NKAIN2: variants seen among roughly 807,000 people sequenced by gnomAD.
NKAIN2 encodes sodium/potassium-transporting ATPase subunit beta-1-interacting protein 2.
NKAIN2 carries 14 observed loss-of-function variants against 32.6 expected under a neutral mutation model. The ratio of observed to expected loss-of-function variants is 0.43; its 90% CI spans 0.28 to 0.67. NKAIN2 has a LOEUF of 0.67. Among genes scored for constraint, NKAIN2 ranks in the 30% least tolerant of loss-of-function variants. The pLI is 0.17. For synonymous variants in NKAIN2, 80 were observed against 87.2 expected (o/e 0.92, Z 0.46); for missense variants, 198 against 258.3 (o/e 0.77, Z 1.60).
chr6:124,639,634 G>GA lies in NKAIN2; in HGVS notation c.274-18542dup, dbSNP rs1025831708. Reference sequence around the variant, plus strand: ...GGGCAACAGAGTGAGACTCCGTAAAGAAAAAAAAAAGTATATATAATATAT... The same window carrying GA: ...GGGCAACAGAGTGAGACTCCGTAAAGAAAAAAAAAAAGTATATATAATATAT... On this transcript the variant is annotated intron_variant, in intron 3 of 6. Transcript: ENST00000368417. 2.0e-4 allele frequency among the ~76,000 whole-genome samples: 29 copies of GA among 146,470 alleles called. 1 individual carries two copies. Among genetic ancestry groups the GA allele is most frequent in the African/African-American group, 2.5e-4 (10 of 39,962 alleles).
chr6:124,018,383 C>A (rs772186199), intron 1 of NKAIN2, among the ~76,000 whole-genome samples: 1 of 152,218 alleles, frequency 6.6e-6, no homozygotes, highest in South Asian at 2.1e-4. Flanking sequence ...TAACATTTGA[C>A]TTCTAGTTAC....
At chr6:124,472,506 A>G (rs1440117085) in intron 3 of NKAIN2, among the ~76,000 whole-genome samples, 2 of 152,070 alleles carry the variant, frequency 1.3e-5, no homozygotes, top group Non-Finnish European at 2.9e-5. Flanking sequence ...CACACATAGA[A>G]CAAGAGCATC....
intron 1 of NKAIN2, among the ~76,000 whole-genome samples, chr6:123,926,523 G>T (rs1449651366): frequency 2.0e-5 from 3 of 152,116 alleles, no homozygotes; most frequent in Admixed American, 1.3e-4. Flanking sequence ...GATGCCCGCT[G>T]CAGTGTTCCC....
In NKAIN2 at chr6:123,804,117, T is replaced by G; in HGVS notation, c.-84T>G. Reference sequence around the variant, plus strand: ...GAGCCCTCGGCAGGTTTGCGTGTCCTTCCCCGCGATCTGATTGGATAAAGT... The same window carrying G: ...GAGCCCTCGGCAGGTTTGCGTGTCCGTCCCCGCGATCTGATTGGATAAAGT... On this transcript the variant is annotated 5_prime_UTR_variant, in exon 1 of 7. Coordinates refer to ENST00000368417, the MANE Select transcript of NKAIN2 (RefSeq NM_001040214.3). 7.6e-7 allele frequency: 1 copy of G among 1,309,366 alleles called. No homozygotes were observed. Among genetic ancestry groups the G allele is most frequent in the Non-Finnish European group, 1.1e-6 (1 of 902,978 alleles). 81.1% of individuals were successfully genotyped at this position (1,309,366 alleles called of 1,614,324 possible).
chr6:124,810,563 G>GCATGTCACATGTATA, intron 5 of NKAIN2, among the ~76,000 whole-genome samples: 1 of 152,094 alleles, frequency 6.6e-6, no homozygotes, highest in East Asian at 1.9e-4. Context: ...CAGCACACCA[G>GCATGTCACATGTATA]CATGTCACAT....
intron 1 of NKAIN2, among the ~76,000 whole-genome samples, chr6:124,030,006 C>G (rs1562318149): frequency 6.6e-6 from 1 of 151,982 alleles, no homozygotes; most frequent in African/African-American, 2.4e-5. Flanking sequence ...CATTTAAGAC[C>G]AGCCTGGCCA....
intron 1 of NKAIN2, among the ~76,000 whole-genome samples, chr6:124,034,048 A>C (rs1398889323): frequency 6.6e-6 from 1 of 152,122 alleles, no homozygotes; most frequent in African/African-American, 2.4e-5. Context: ...CCTGTATCAT[A>C]TAGTGATGAA....
intron 1 of NKAIN2, among the ~76,000 whole-genome samples, chr6:123,966,962 A>C (rs1778109454): frequency 1.3e-5 from 2 of 152,180 alleles, no homozygotes; most frequent in Non-Finnish European, 2.9e-5. Context: ...GTTAACATAA[A>C]CATTATAAAA....
At chr6:124,018,835 C>A (rs1780722179) in intron 1 of NKAIN2, among the ~76,000 whole-genome samples, 1 of 152,264 alleles carries the variant, frequency 6.6e-6, no homozygotes, top group East Asian at 1.9e-4. Flanking sequence ...AAAGTTGCTT[C>A]ATATTTTTGG....
chr6:124,248,996 A>G (rs1262453032), intron 1 of NKAIN2, among the ~76,000 whole-genome samples: 1 of 152,212 alleles, frequency 6.6e-6, no homozygotes, highest in Non-Finnish European at 1.5e-5. Flanking sequence ...GGCAAGTAGC[A>G]GAAATGTTCT....
At chr6:124,631,484 A>G (rs551458742) in intron 3 of NKAIN2, among the ~76,000 whole-genome samples, 19 of 152,268 alleles carry the variant, frequency 1.2e-4, no homozygotes, top group Admixed American at 3.9e-4. Context: ...TCTTATAATC[A>G]CCAGATCATT....
chr6:124,128,257 A>G (rs1360199458), intron 1 of NKAIN2, among the ~76,000 whole-genome samples: 1 of 152,212 alleles, frequency 6.6e-6, no homozygotes, highest in Non-Finnish European at 1.5e-5. Context: ...TACCTGCATT[A>G]TGGTGCAGTT....
Position 124,663,794 on chromosome 6 carries a change from T to C in NKAIN2, c.474+5408T>C, listed in dbSNP as rs115324321. On this transcript the variant is annotated intron_variant, in intron 4 of 6. Coordinates refer to ENST00000368417, the MANE Select transcript of NKAIN2 (RefSeq NM_001040214.3). ...AAGACCTAATAGATTTGTCAGTTGG[T>C]AGACTATCTGAAATAAATTTTGTTA... is the stretch of plus-strand genomic sequence containing the variant. Among the ~76,000 whole-genome samples the C allele has an allele frequency of 4.5e-3, 688 of 152,346 alleles. 5 individuals carry two copies. The highest frequency in any genetic ancestry group is 0.016 in the African/African-American group (655 of 41,580).
chr6:124,251,809 A>C (rs1013342449), intron 1 of NKAIN2, among the ~76,000 whole-genome samples: 52 of 152,102 alleles, frequency 3.4e-4, no homozygotes, highest in African/African-American at 1.2e-3. Flanking sequence ...AAAATGTTTG[A>C]TATTACCTAA....
intron 1 of NKAIN2, among the ~76,000 whole-genome samples, chr6:124,215,579 T>C (rs1264627629): frequency 6.6e-6 from 1 of 152,204 alleles, no homozygotes; most frequent in Non-Finnish European, 1.5e-5. Flanking sequence ...GTTTTTCAAC[T>C]AACTGCTAGA....
chr6:124,168,296 G>C (rs1383135227), intron 1 of NKAIN2, among the ~76,000 whole-genome samples: 2 of 152,066 alleles, frequency 1.3e-5, no homozygotes, highest in Non-Finnish European at 2.9e-5. Flanking sequence ...GATACCATCA[G>C]AATGATCATA....
chr6:124,779,257 G>A (rs1317467693), intron 4 of NKAIN2, among the ~76,000 whole-genome samples: 6 of 122,790 alleles, frequency 4.9e-5, no homozygotes, highest in African/African-American at 1.8e-4. Context: ...AAGAGAGAGA[G>A]AGAGAGAGAG....
intron 1 of NKAIN2, among the ~76,000 whole-genome samples, chr6:123,888,539 T>C (rs1194042334): frequency 1.3e-5 from 2 of 152,154 alleles, no homozygotes; most frequent in South Asian, 4.1e-4. Context: ...AATATTGTAT[T>C]TTTGGTCTTT....
chr6:124,498,141 G>A (rs1241008103), intron 3 of NKAIN2, among the ~76,000 whole-genome samples: 3 of 152,170 alleles, frequency 2.0e-5, no homozygotes, highest in African/African-American at 7.2e-5. Context: ...TTGAAATCTG[G>A]GAAAGTTATC....
Sources: allele counts gnomAD v4.1 joint callset (sites outside exome capture counted in the v4.1 genomes callset), GRCh38; gene constraint gnomAD v4.1.1; transcripts MANE v1.5; gene names NCBI Gene and HGNC (gene_info 2026-07-23, HGNC 2026-07-21).